Variants in CNTN5 observed in about 807,000 individuals in gnomAD.
CNTN5 encodes contactin-5.
In CNTN5, 77 loss-of-function variants were observed where a neutral mutation model predicts 129.1. That is an observed-to-expected ratio of 0.60 (90% CI 0.50 to 0.72). The LOEUF is 0.72. Ranked by LOEUF, CNTN5 falls within the 30% of genes least tolerant of loss-of-function variation. The probability of loss-of-function intolerance (pLI) is 0.00; values close to 1 mark genes in which losing one functional copy is unlikely to be tolerated. For synonymous variants in CNTN5, 509 were observed against 465.6 expected (o/e 1.09, Z -1.20); for missense variants, 1,478 against 1,328.8 (o/e 1.11, Z -1.75).
intron 2 of CNTN5, among the ~76,000 whole-genome samples, chr11:99,331,846 A>C (rs916923832): frequency 3.3e-5 from 5 of 152,146 alleles, no homozygotes. Context: ...GAATTAACAA[A>C]AGGAATAGTA....
chr11:99,229,171 ATT>A (rs1339183240), intron 1 of CNTN5, among the ~76,000 whole-genome samples: 1 of 152,094 alleles, frequency 6.6e-6, no homozygotes, highest in Non-Finnish European at 1.5e-5. Context: ...AATGTGTTAT[ATT>A]GAGTAAATGA....
intron 1 of CNTN5, among the ~76,000 whole-genome samples, chr11:99,110,306 T>C (rs753474018): frequency 5.3e-5 from 8 of 152,180 alleles, no homozygotes; most frequent in Non-Finnish European, 1.2e-4. Flanking sequence ...GTTTGGATTA[T>C]GGACTGGGGA....
chr11:99,808,712 C>A (rs1034665155), intron 3 of CNTN5, among the ~76,000 whole-genome samples: 27 of 152,112 alleles, frequency 1.8e-4, no homozygotes, highest in African/African-American at 6.5e-4. Context: ...ATCCATATTC[C>A]CATTTGTGAG....
intron 2 of CNTN5, among the ~76,000 whole-genome samples, chr11:99,394,826 A>G (rs995315559): frequency 1.3e-5 from 2 of 151,868 alleles, no homozygotes; most frequent in Non-Finnish European, 2.9e-5. Flanking sequence ...TAGTTTGCCA[A>G]GAATAATGGC....
At chr11:100,157,218 A>T (rs1483396367) in intron 13 of CNTN5, among the ~76,000 whole-genome samples, 1 of 151,946 alleles carries the variant, frequency 6.6e-6, no homozygotes, top group Non-Finnish European at 1.5e-5. Flanking sequence ...ATAAACATTG[A>T]AAGAGGGAAA....
At chr11:99,036,591 G>C (rs1168117448) in intron 1 of CNTN5, among the ~76,000 whole-genome samples, 1 of 152,036 alleles carries the variant, frequency 6.6e-6, no homozygotes, top group African/African-American at 2.4e-5. Context: ...AGTGGATCTT[G>C]AAGTAGTATT....
At chr11:99,441,476 C>T (rs990045760) in intron 2 of CNTN5, among the ~76,000 whole-genome samples, 1 of 152,114 alleles carries the variant, frequency 6.6e-6, no homozygotes, top group African/African-American at 2.4e-5. Context: ...ACTGTCTCAG[C>T]CCCTTGCACT....
intron 3 of CNTN5, among the ~76,000 whole-genome samples, chr11:99,629,483 T>C (rs891785756): frequency 4.5e-4 from 69 of 152,158 alleles, no homozygotes; most frequent in African/African-American, 1.7e-3. Flanking sequence ...CAGTTATCTA[T>C]GAATATCTTA....
chr11:100,047,557 T>C lies in CNTN5; in HGVS notation c.981-13655T>C, dbSNP rs532189565. Among the ~76,000 whole-genome samples the C allele has an allele frequency of 5.3e-5, 8 of 152,280 alleles. No individual in the cohort carries two copies. The South Asian group carries it at 1.0e-3, about 20-fold the overall frequency. ...GGACTATAAACAGGAGATAAATCAG[T>C]CAATAAAACATTCCCAGAAATATCA... On this transcript the variant is annotated intron_variant, in intron 9 of 24. Coordinates refer to ENST00000524871, the MANE Select transcript of CNTN5 (RefSeq NM_014361.4).
intron 3 of CNTN5, among the ~76,000 whole-genome samples, chr11:99,574,012 C>T (rs1032345194): frequency 1.3e-5 from 2 of 152,078 alleles, no homozygotes; most frequent in South Asian, 2.1e-4. Flanking sequence ...CCCATCAACC[C>T]GTCATCTACA....
chr11:99,684,187 T>C (rs147712466), intron 3 of CNTN5, among the ~76,000 whole-genome samples: 1 of 151,834 alleles, frequency 6.6e-6, no homozygotes, highest in Non-Finnish European at 1.5e-5. Flanking sequence ...CATGTGGTAT[T>C]TCACCTACTA....
chr11:99,945,519 T>C (rs1226262150), intron 7 of CNTN5, among the ~76,000 whole-genome samples: 1 of 150,544 alleles, frequency 6.6e-6, no homozygotes. Flanking sequence ...TGTGTGTGTA[T>C]AGGCTAGAAT....
intron 7 of CNTN5, among the ~76,000 whole-genome samples, chr11:99,928,625 A>G (rs1950118737): frequency 1.3e-5 from 2 of 152,172 alleles, no homozygotes; most frequent in Non-Finnish European, 2.9e-5. Flanking sequence ...GATGCAGGGC[A>G]CCAAGTCTTG....
chr11:99,362,792 A>T (rs1170880876), intron 2 of CNTN5, among the ~76,000 whole-genome samples: 1 of 151,964 alleles, frequency 6.6e-6, no homozygotes, highest in East Asian at 1.9e-4. Context: ...CCTTTCTCTG[A>T]ATGGTCTTGG....
At chr11:99,311,003 C>T (rs145774675) in intron 1 of CNTN5, among the ~76,000 whole-genome samples, 3,504 of 152,068 alleles carry the variant, frequency 0.023, 100 homozygotes, top group South Asian at 0.09. Flanking sequence ...GCTGTCTTGG[C>T]TCACTGCAAC....
intron 9 of CNTN5, among the ~76,000 whole-genome samples, chr11:100,038,407 A>G (rs1023219097): frequency 2.6e-5 from 4 of 152,154 alleles, no homozygotes; most frequent in African/African-American, 7.2e-5. Context: ...CAATTTTGGA[A>G]TAGGTGTGGT....
intron 2 of CNTN5, among the ~76,000 whole-genome samples, chr11:99,533,807 G>C (rs1257280071): frequency 6.6e-6 from 1 of 152,162 alleles, no homozygotes; most frequent in African/African-American, 2.4e-5. Flanking sequence ...TGGAATATTA[G>C]CTTTTAGCGA....
In CNTN5 at chr11:99,369,384, C is replaced by T. The variant is rs1032922503; in HGVS notation, c.-71+43900C>T. ...TTGGTCACAGTCCATGTCTGTCAGACACCTTTGTAGTCACTCTTAACCCTG... is the reference window on the plus strand; with the variant it reads ...TTGGTCACAGTCCATGTCTGTCAGATACCTTTGTAGTCACTCTTAACCCTG... On this transcript the variant is annotated intron_variant, in intron 2 of 24. Transcript: ENST00000524871. Among the ~76,000 whole-genome samples the T allele has an allele frequency of 2.0e-5, 3 of 151,094 alleles. No homozygotes were observed. The Admixed American group carries it at 2.0e-4, about 10-fold the overall frequency.
chr11:99,663,085 G>GT (rs1161511376), intron 3 of CNTN5, among the ~76,000 whole-genome samples: 2 of 149,432 alleles, frequency 1.3e-5, no homozygotes, highest in Non-Finnish European at 3.0e-5. Flanking sequence ...GCAAAAGACA[G>GT]TAAGTAAGAT....
Sources: gnomAD v4.1 joint callset for allele counts (sites outside exome capture counted in the v4.1 genomes callset) on GRCh38, gnomAD v4.1.1 for gene constraint, MANE v1.5 for transcripts, NCBI Gene and HGNC (gene_info 2026-07-23, HGNC 2026-07-21) for gene names.